The following CAMTA1 variants were observed in gnomAD, a reference collection of about 807,000 sequenced individuals.
The protein encoded by CAMTA1 is calmodulin binding transcription activator 1, also known as calmodulin-binding transcription activator 1.
A neutral mutation model predicts 170.9 loss-of-function variants in CAMTA1; 27 were observed. That is an observed-to-expected ratio of 0.16 (90% CI 0.12 to 0.22). The LOEUF is 0.22. Ranked by LOEUF, CAMTA1 falls within the 10% of genes least tolerant of loss-of-function variation. The pLI is 1.00. For missense variants in CAMTA1, 1,619 were observed against 2,217.2 expected (o/e 0.73, Z 5.42); for synonymous variants, 833 against 891.5 (o/e 0.93, Z 1.17).
chr1:7,053,090 C>T (rs1166619113), intron 3 of CAMTA1, among the ~76,000 whole-genome samples: 2 of 152,200 alleles, frequency 1.3e-5, no homozygotes, highest in African/African-American at 2.4e-5. Context: ...CTCGTGGGGG[C>T]GGCTGGAGGG....
chr1:7,743,587 C>A (rs919198554), intron 16 of CAMTA1, among the ~76,000 whole-genome samples: 1 of 152,106 alleles, frequency 6.6e-6, no homozygotes, highest in African/African-American at 2.4e-5. Context: ...CAGCCCACTG[C>A]GGCTGTTTCC....
intron 3 of CAMTA1, among the ~76,000 whole-genome samples, chr1:6,834,050 T>C (rs778004700): frequency 6.6e-6 from 1 of 152,076 alleles, no homozygotes; most frequent in Non-Finnish European, 1.5e-5. Flanking sequence ...TTGGTGACCT[T>C]TGAAGATTTG....
intron 5 of CAMTA1, among the ~76,000 whole-genome samples, chr1:7,335,963 C>T (rs1368830624): frequency 6.6e-6 from 1 of 152,214 alleles, no homozygotes; most frequent in East Asian, 1.9e-4. Context: ...AATGTAACCA[C>T]CGGCTCATCG....
intron 6 of CAMTA1, among the ~76,000 whole-genome samples, chr1:7,492,839 G>A (rs111063526): frequency 0.67 from 83,843 of 124,602 alleles, 29,300 homozygotes; most frequent in African/African-American, 0.87. Context: ...ATACAAACAC[G>A]CACACGCACA....
chr1:7,331,167 A>C (rs1339338063), intron 5 of CAMTA1, among the ~76,000 whole-genome samples: 1 of 152,176 alleles, frequency 6.6e-6, no homozygotes, highest in Non-Finnish European at 1.5e-5. Context: ...TGAACCTGAG[A>C]GGCAGAGGTT....
At position 7,736,199 on chromosome 1, in the gene CAMTA1, C is replaced by G. The variant is rs2096771199; in HGVS notation, c.3067-145C>G. ...GGATTTCAGGCATGATCCAGCATGC[C>G]CAGCCAATGTTTCTTTATTTTCAGT... On this transcript the variant is annotated intron_variant, in intron 12 of 22. Coordinates refer to ENST00000303635, the MANE Select transcript of CAMTA1 (RefSeq NM_015215.4). The surrounding 1 kb of genome is among the most constrained non-coding windows in gnomAD (Gnocchi z 4.5). The G allele has an allele frequency of 2.0e-5, 15 of 766,896 alleles. No homozygotes were observed. The allele number at this position is 766,896 out of a possible 1,614,324, so 47.5% of individuals were successfully genotyped here.
intron 6 of CAMTA1, among the ~76,000 whole-genome samples, chr1:7,594,161 AG>A (rs1195793221): frequency 7.0e-6 from 1 of 142,542 alleles, no homozygotes. Flanking sequence ...GAAAGAAGGA[AG>A]GAGAAAGGAA....
At chr1:7,409,632 C>T (rs1234267619) in intron 5 of CAMTA1, among the ~76,000 whole-genome samples, 8 of 152,298 alleles carry the variant, frequency 5.3e-5, no homozygotes, top group African/African-American at 9.6e-5. Flanking sequence ...CAGCTGCCCA[C>T]GGGGTAGGAG....
chr1:7,686,578 TA>T (rs975925287), intron 11 of CAMTA1, among the ~76,000 whole-genome samples: 1 of 149,796 alleles, frequency 6.7e-6, no homozygotes, highest in African/African-American at 2.5e-5. Context: ...TCACCAAGAG[TA>T]GGGGGCTGGG....
At chr1:6,898,188 G>A (rs1191151331) in intron 3 of CAMTA1, among the ~76,000 whole-genome samples, 1 of 152,110 alleles carries the variant, frequency 6.6e-6, no homozygotes, top group African/African-American at 2.4e-5. Flanking sequence ...CTGATTTAGA[G>A]GAAACTAATT....
chr1:7,155,624 T>C (rs149906468), intron 4 of CAMTA1, among the ~76,000 whole-genome samples: 71 of 151,130 alleles, frequency 4.7e-4, no homozygotes, highest in African/African-American at 1.6e-3. Context: ...AGGGAAGAGG[T>C]CACACCATGT....
chr1:7,677,845 T>C, intron 11 of CAMTA1, 112 bp downstream of exon 11: 2 of 1,309,592 alleles, frequency 1.5e-6, no homozygotes, highest in East Asian at 2.4e-5. Flanking sequence ...CAGGAAGTGG[T>C]GCCAATGTGA....
chr1:7,098,756 C>T (rs1017436275), intron 4 of CAMTA1, among the ~76,000 whole-genome samples: 1 of 152,190 alleles, frequency 6.6e-6, no homozygotes, highest in Non-Finnish European at 1.5e-5. Context: ...CACTGATGGC[C>T]TGGTGGGGTA....
chr1:7,229,515 G>A (rs1225555437), intron 4 of CAMTA1, among the ~76,000 whole-genome samples: 1 of 87,638 alleles, frequency 1.1e-5, no homozygotes, highest in Non-Finnish European at 2.4e-5. Context: ...CGGAGAGGAG[G>A]TGGGGGGGTG....
chr1:7,581,590 G>T (rs919845830), intron 6 of CAMTA1, among the ~76,000 whole-genome samples: 2 of 152,244 alleles, frequency 1.3e-5, no homozygotes, highest in African/African-American at 4.8e-5. Flanking sequence ...CCCTCCACTG[G>T]GCCGTGGACA....
chr1:7,051,874 C>G (rs1174732252), intron 3 of CAMTA1, among the ~76,000 whole-genome samples: 1 of 152,158 alleles, frequency 6.6e-6, no homozygotes, highest in African/African-American at 2.4e-5. Context: ...CGCCCCCTCT[C>G]CTGACCCTCC....
rs565143590 is a variant in CAMTA1, at chr1:6,925,512, G to C, written c.234+100302G>C. 5.3e-5 allele frequency among the ~76,000 whole-genome samples: 8 copies of C among 152,262 alleles called. No individual in the cohort carries two copies. The South Asian group carries it at 1.5e-3, about 28-fold the overall frequency. The stretch of plus-strand genomic sequence containing the variant: ...GGTAACCTGTGTTGAGGCTGTGCTC[G>C]ATCTTTCCAAGTGCCTCCTCTCCTG... On this transcript the variant is annotated intron_variant, in intron 3 of 22. Transcript: ENST00000303635.
intron 11 of CAMTA1, among the ~76,000 whole-genome samples, chr1:7,727,776 G>T (rs868086105): frequency 6.6e-6 from 1 of 152,168 alleles, no homozygotes; most frequent in Non-Finnish European, 1.5e-5. Context: ...AAGCGTAAAG[G>T]CGTTGCTTTT....
intron 1 of CAMTA1, among the ~76,000 whole-genome samples, chr1:6,790,195 T>C (rs1379185873): frequency 6.6e-6 from 1 of 152,108 alleles, no homozygotes; most frequent in Non-Finnish European, 1.5e-5. Flanking sequence ...TTTTTTCTGA[T>C]TTTTAAGTTT....
Sources: gnomAD v4.1 joint callset for allele counts (sites outside exome capture counted in the v4.1 genomes callset) on GRCh38, gnomAD v4.1.1 for gene constraint, Gnocchi (gnomAD v3.1) non-coding constraint, MANE v1.5 for transcripts, NCBI Gene and HGNC (gene_info 2026-07-23, HGNC 2026-07-21) for gene names.